The following UNC5C variants were observed in gnomAD, a reference collection of about 807,000 sequenced individuals.
The protein encoded by UNC5C is netrin receptor UNC5C.
A neutral mutation model predicts 99.8 loss-of-function variants in UNC5C; 47 were observed. That is an observed-to-expected ratio of 0.47 (90% CI 0.37 to 0.60). The LOEUF is 0.60. UNC5C is among the 20% of genes least tolerant of loss of function. The pLI is 0.00. For missense variants in UNC5C, 1,062 were observed against 1,165.9 expected (o/e 0.91, Z 1.30); for synonymous variants, 487 against 452.2 (o/e 1.08, Z -0.98).
chr4:95,378,903 T>C (rs1744981050), intron 1 of UNC5C, among the ~76,000 whole-genome samples: 1 of 152,148 alleles, frequency 6.6e-6, no homozygotes. Flanking sequence ...TTTGCAAAGC[T>C]TGGAAACTTG....
intron 1 of UNC5C, among the ~76,000 whole-genome samples, chr4:95,396,343 GA>G (rs1418051573): frequency 1.3e-5 from 2 of 152,148 alleles, no homozygotes; most frequent in African/African-American, 4.8e-5. Flanking sequence ...AGGGTCCTTG[GA>G]AAATTTACTA....
At chr4:95,224,018 C>T (rs2149369934) in intron 7 of UNC5C, among the ~76,000 whole-genome samples, 1 of 152,280 alleles carries the variant, frequency 6.6e-6, no homozygotes, top group South Asian at 2.1e-4. Context: ...CATGGTGGCT[C>T]ACATCTGTAA....
chr4:95,493,609 T>G (rs1721561347), intron 1 of UNC5C, among the ~76,000 whole-genome samples: 1 of 151,370 alleles, frequency 6.6e-6, no homozygotes, highest in East Asian at 1.9e-4. Context: ...TAAAAAAAAT[T>G]TCTTTCAAAT....
intron 15 of UNC5C, among the ~76,000 whole-genome samples, chr4:95,169,867 G>A (rs953470442): frequency 6.6e-5 from 10 of 152,056 alleles, no homozygotes; most frequent in African/African-American, 2.4e-4. Flanking sequence ...CAATAACTAC[G>A]GTAGTGAATG....
intron 9 of UNC5C, 25 bp downstream of exon 9, chr4:95,218,944 T>C (rs1738356511): frequency 6.5e-7 from 1 of 1,547,950 alleles, no homozygotes; most frequent in Non-Finnish European, 8.7e-7. Flanking sequence ...GCTGCCTCTT[T>C]GCAATTTAAA....
chr4:95,439,612 A>G (rs1288416424), intron 1 of UNC5C, among the ~76,000 whole-genome samples: 2 of 152,138 alleles, frequency 1.3e-5, no homozygotes, highest in Non-Finnish European at 2.9e-5. Flanking sequence ...TGTAATTGAA[A>G]CTTTTTTGAT....
intron 1 of UNC5C, among the ~76,000 whole-genome samples, chr4:95,363,428 CAG>C (rs1320554057): frequency 6.6e-6 from 1 of 152,148 alleles, no homozygotes; most frequent in Admixed American, 6.6e-5. Flanking sequence ...TTTTATGACT[CAG>C]AGATCGTTTA....
At chr4:95,317,850 G>GTC (rs755226754) in intron 2 of UNC5C, among the ~76,000 whole-genome samples, 7 of 152,068 alleles carry the variant, frequency 4.6e-5, no homozygotes, top group Non-Finnish European at 8.8e-5. Context: ...CTCCTACTCG[G>GTC]TCTCTCCACC....
At chr4:95,254,352 T>G (rs75482518) in intron 4 of UNC5C, among the ~76,000 whole-genome samples, 1 of 152,330 alleles carries the variant, frequency 6.6e-6, no homozygotes, top group African/African-American at 2.4e-5. Context: ...GCCAAAGGTT[T>G]TCAACTCCGC....
intron 1 of UNC5C, among the ~76,000 whole-genome samples, chr4:95,544,863 C>T (rs1379014888): frequency 6.6e-6 from 1 of 152,222 alleles, no homozygotes; most frequent in Non-Finnish European, 1.5e-5. Context: ...TGGTTGCAGC[C>T]TGTAATTTTA....
At chr4:95,203,039 GT>G in intron 11 of UNC5C, 75 bp from the exon 12 acceptor site, 5 of 1,358,412 alleles carry the variant, frequency 3.7e-6, no homozygotes, top group Middle Eastern at 2.3e-4. Context: ...GTGGTGAATG[GT>G]GAGTAGAGCA....
intron 1 of UNC5C, among the ~76,000 whole-genome samples, chr4:95,482,692 A>C: frequency 7.9e-6 from 1 of 126,462 alleles, no homozygotes; most frequent in Non-Finnish European, 1.7e-5. Context: ...AAAAATGATG[A>C]GTTCATGTCC....
intron 2 of UNC5C, among the ~76,000 whole-genome samples, chr4:95,305,756 A>G (rs563565686): frequency 1.5e-4 from 23 of 152,182 alleles, no homozygotes; most frequent in African/African-American, 4.8e-4. Context: ...AGTAATTAGC[A>G]TGTTATTCCA....
At chr4:95,488,254 T>C (rs1412106524) in intron 1 of UNC5C, among the ~76,000 whole-genome samples, 1 of 151,734 alleles carries the variant, frequency 6.6e-6, no homozygotes, top group Non-Finnish European at 1.5e-5. Context: ...AATCTGAAAG[T>C]GCTATGTACA....
intron 1 of UNC5C, among the ~76,000 whole-genome samples, chr4:95,365,829 G>A (rs1288302518): frequency 5.3e-5 from 8 of 152,074 alleles, no homozygotes; most frequent in African/African-American, 1.9e-4. Context: ...CTGAGCTCAG[G>A]CACTCATCTA....
chr4:95,258,098 G>A (rs1740074398), intron 4 of UNC5C, among the ~76,000 whole-genome samples: 1 of 152,134 alleles, frequency 6.6e-6, no homozygotes, highest in Non-Finnish European at 1.5e-5. Flanking sequence ...TCTTCCATGT[G>A]AAACAATTCC....
intron 7 of UNC5C, 103 bp downstream of exon 7, chr4:95,242,326 T>C: frequency 6.8e-7 from 1 of 1,462,456 alleles, no homozygotes; most frequent in Non-Finnish European, 9.2e-7. Flanking sequence ...TTGCATTTTA[T>C]TGTTGTTGAA....
At chr4:95,483,790 C>G (rs965810066) in intron 1 of UNC5C, among the ~76,000 whole-genome samples, 2 of 151,678 alleles carry the variant, frequency 1.3e-5, no homozygotes, top group African/African-American at 4.8e-5. Flanking sequence ...ACAAGTCCCT[C>G]TACGACTAAT....
At position 95,548,924 on chromosome 4, in the gene UNC5C, A is replaced by T. The variant is rs889914392; in HGVS notation, c.-67T>A. On this transcript the variant is annotated 5_prime_UTR_variant, in exon 1 of 16. Transcript: ENST00000453304. Reference sequence around the variant, plus strand: ...AGACGCGCAAACAGCTGAAAGCCCCACTGGGCAGAAGCTGAATCCGTGCAC... The same window carrying T: ...AGACGCGCAAACAGCTGAAAGCCCCTCTGGGCAGAAGCTGAATCCGTGCAC... 4.5e-5 allele frequency: 72 copies of T among 1,583,222 alleles called. 2 individuals are homozygous for T. The South Asian group carries it at 7.8e-4, about 17-fold the overall frequency.
Sources: gnomAD v4.1 joint callset for allele counts (sites outside exome capture counted in the v4.1 genomes callset) on GRCh38, gnomAD v4.1.1 for gene constraint, MANE v1.5 for transcripts, NCBI Gene and HGNC (gene_info 2026-07-23, HGNC 2026-07-21) for gene names.